SRC: variants seen among roughly 807,000 people sequenced by gnomAD.
SRC encodes proto-oncogene tyrosine-protein kinase Src.
A neutral mutation model predicts 62.9 loss-of-function variants in SRC; 13 were observed. The observed-to-expected ratio is 0.21, with a 90% CI of 0.13 to 0.33. SRC has a LOEUF of 0.33. Ranked by LOEUF, SRC falls within the 10% of genes least tolerant of loss-of-function variation. The probability of loss-of-function intolerance (pLI) is 1.00; values close to 1 mark genes in which losing one functional copy is unlikely to be tolerated. For synonymous variants in SRC, 302 were observed against 317.5 expected, an observed-to-expected ratio of 0.95 and a Z score of 0.52; for missense variants, 457 against 737.3, an observed-to-expected ratio of 0.62 and a Z score of 4.40.
At chr20:37,399,628 T>C (rs905473410) in intron 9 of SRC, among the ~76,000 whole-genome samples, 1 of 151,714 alleles carries the variant, frequency 6.6e-6, no homozygotes, top group Admixed American at 6.6e-5. Flanking sequence ...CACTGCAACC[T>C]CTGCCTCCCA....
In SRC at chr20:37,403,305, G is replaced by T; in HGVS notation, c.1537G>T (p.Glu513Ter). 1 of 1,604,728 alleles carries T rather than the reference G, an allele frequency of 6.2e-7. No individual in the cohort carries two copies. The highest frequency in any genetic ancestry group is 2.2e-5 in the East Asian group (1 of 44,614). ...RKEPEERPTF[E>*]YLQAFLEDYF... The stretch of plus-strand genomic sequence containing the variant: ...GGAGCCTGAGGAGCGGCCCACCTTC[G>T]AGTACCTGCAGGCCTTCCTGGAGGA... Residue 513 changes from glutamate (E) to a stop codon, truncating the protein, a stop_gained, in exon 14 of 14, where the codon GAG (glutamate) becomes TAG (stop). Coordinates refer to ENST00000373578, the MANE Select transcript of SRC (RefSeq NM_198291.3). LOFTEE classifies it high-confidence loss of function. The surrounding 1 kb of genome is among the most constrained non-coding windows in gnomAD (Gnocchi z 7.1).
At chr20:37,358,653 G>A (rs1404443934) in intron 1 of SRC, among the ~76,000 whole-genome samples, 4 of 152,234 alleles carry the variant, frequency 2.6e-5, no homozygotes, top group African/African-American at 9.6e-5. Flanking sequence ...CAGGGATTGG[G>A]GTCTGATAGA....
rs903456711 is a variant in SRC, at chr20:37,397,341, T to C, written c.704-358T>C. ...ACTCCTGCTGTTGCGCGAACAGCTCTCCAGTCACATTCACATCTGTGGTCC... is the reference window on the plus strand; with the variant it reads ...ACTCCTGCTGTTGCGCGAACAGCTCCCCAGTCACATTCACATCTGTGGTCC... On this transcript the variant is annotated intron_variant, in intron 8 of 13. Coordinates refer to ENST00000373578, the MANE Select transcript of SRC (RefSeq NM_198291.3). This position sits in a 1 kb window ranked among gnomAD's most constrained non-coding sequence, Gnocchi z 4.1. Among the ~76,000 whole-genome samples the C allele has an allele frequency of 6.6e-6, 1 of 152,202 alleles. No individual in the cohort carries two copies. Among genetic ancestry groups the C allele is most frequent in the African/African-American group, 2.4e-5 (1 of 41,456 alleles).
rs570835257 is a variant in SRC at position 37,384,500 on chromosome 20, C to T, written c.250+97C>T. On this transcript the variant is annotated intron_variant, in intron 4 of 13. Transcript: ENST00000373578. The surrounding 1 kb of genome is among the most constrained non-coding windows in gnomAD (Gnocchi z 6.7). Reference sequence around the variant, plus strand: ...CGGGGTCGCCCCCTCTGCGCAGGCCCTTCCTCTCGCCAGGGGTAGCGCCCC... The same window carrying T: ...CGGGGTCGCCCCCTCTGCGCAGGCCTTTCCTCTCGCCAGGGGTAGCGCCCC... 6,153 of 1,221,160 alleles carry T rather than the reference C, an allele frequency of 5.0e-3. 20 individuals carry two copies. The highest frequency in any genetic ancestry group is 5.8e-3 in the Non-Finnish European group (5,621 of 975,982). The allele number at this position is 1,221,160 out of a possible 1,614,324, so 75.6% of individuals were successfully genotyped here.
chr20:37,386,046 G>C, intron 4 of SRC, 29 bp from the exon 5 acceptor site: 2 of 1,588,568 alleles, frequency 1.3e-6, no homozygotes, highest in Middle Eastern at 1.7e-4. Flanking sequence ...TGGCCCCACT[G>C]TTCTGACACA....
In SRC at chr20:37,386,331, C is replaced by T. The variant is rs944859802; in HGVS notation, c.350+157C>T. 2.7e-5 allele frequency: 21 copies of T among 768,308 alleles called. No individual in the cohort carries two copies. In the Admixed American group the frequency reaches 2.9e-4, roughly 11 times the overall value. The allele number at this position is 768,308 out of a possible 1,614,324, so 47.6% of individuals were successfully genotyped here. A position where few individuals can be genotyped will look rare whatever the true frequency, so the allele number is the denominator to read the frequency against. On this transcript the variant is annotated intron_variant, in intron 5 of 13. Transcript: ENST00000373578. ...TGGAGGCAGGCGCCTGCTGCACTCTCGCCCTGGGCAGCACCTGCTGTTGCT... is the reference window on the plus strand; with the variant it reads ...TGGAGGCAGGCGCCTGCTGCACTCTTGCCCTGGGCAGCACCTGCTGTTGCT...
chr20:37,386,016 G>A, intron 4 of SRC, 59 bp from the exon 5 acceptor site: 1 of 1,394,088 alleles, frequency 7.2e-7, no homozygotes, highest in Non-Finnish European at 1.0e-6. Context: ...GGGCCATCCT[G>A]CCCATGCCTT....
chr20:37,401,241 G>A (rs192965157), intron 10 of SRC, among the ~76,000 whole-genome samples: 270 of 152,046 alleles, frequency 1.8e-3, no homozygotes, highest in African/African-American at 6.1e-3. Context: ...GGGCTCAAGC[G>A]ATCTTCCCAC....
At chr20:37,395,629 C>T (rs1280283530) in intron 7 of SRC, among the ~76,000 whole-genome samples, 2 of 152,244 alleles carry the variant, frequency 1.3e-5, no homozygotes, top group Non-Finnish European at 2.9e-5. Flanking sequence ...CACCCCCTCC[C>T]GCCTGAGCCT....
intron 2 of SRC, among the ~76,000 whole-genome samples, chr20:37,365,785 T>C (rs139512647): frequency 9.2e-5 from 14 of 152,292 alleles, no homozygotes; most frequent in African/African-American, 3.1e-4. Flanking sequence ...AGTCTCACTA[T>C]GTTGCCTAGG....
chr20:37,371,003 T>C (rs1211221128), intron 2 of SRC, among the ~76,000 whole-genome samples: 2 of 150,732 alleles, frequency 1.3e-5, no homozygotes, highest in African/African-American at 2.5e-5. Context: ...TTTTTTTTTT[T>C]TTGAGACGGA....
chr20:37,388,894 C>T (rs1031576579), intron 5 of SRC, among the ~76,000 whole-genome samples: 9 of 152,222 alleles, frequency 5.9e-5, no homozygotes, highest in African/African-American at 1.2e-4. Flanking sequence ...CCCGGGGACC[C>T]GCCTGCATGC....
Position 37,394,042 on chromosome 20 carries a change from G to A in SRC, c.449+49G>A, listed in dbSNP as rs376337171. On this transcript the variant is annotated intron_variant, in intron 6 of 13. Coordinates refer to ENST00000373578, the MANE Select transcript of SRC (RefSeq NM_198291.3). ...CTACCCGTCGTCCCTGGACACTGCCGGTGCAGAGTGCCTCTCCTGGGCTGG... is the reference window on the plus strand; with the variant it reads ...CTACCCGTCGTCCCTGGACACTGCCAGTGCAGAGTGCCTCTCCTGGGCTGG... 1.3e-4 allele frequency: 204 copies of A among 1,580,596 alleles called. 1 individual carries two copies. The African/African-American group carries it at 2.0e-3, about 16-fold the overall frequency.
chr20:37,360,115 G>A (rs2069944787), intron 1 of SRC, among the ~76,000 whole-genome samples: 2 of 151,376 alleles, frequency 1.3e-5, no homozygotes, highest in Non-Finnish European at 2.9e-5. Context: ...AAATATTTCA[G>A]TGTGTATCTC....
intron 2 of SRC, among the ~76,000 whole-genome samples, chr20:37,381,944 T>G (rs1311333457): frequency 6.6e-6 from 1 of 152,094 alleles, no homozygotes; most frequent in East Asian, 1.9e-4. Flanking sequence ...CCAGGGAGCA[T>G]GCAAACCATA....
chr20:37,360,390 G>A (rs1192536005), intron 1 of SRC, among the ~76,000 whole-genome samples: 1 of 151,604 alleles, frequency 6.6e-6, no homozygotes, highest in Non-Finnish European at 1.5e-5. Context: ...CACCTGGCTA[G>A]TTTTTAAAAT....
chr20:37,361,399 A>G (rs533903767), intron 1 of SRC, among the ~76,000 whole-genome samples: 3 of 152,194 alleles, frequency 2.0e-5, no homozygotes, highest in African/African-American at 7.2e-5. Flanking sequence ...TCCTGTGACC[A>G]CACAGCCAGG....
At chr20:37,394,871 T>C (rs2070615708) in intron 7 of SRC, among the ~76,000 whole-genome samples, 2 of 152,090 alleles carry the variant, frequency 1.3e-5, no homozygotes, top group Admixed American at 6.6e-5. Flanking sequence ...TTACGAGCAG[T>C]CGTGCAGCCA....
intron 5 of SRC, among the ~76,000 whole-genome samples, chr20:37,387,114 G>A (rs1231367107): frequency 6.6e-6 from 1 of 152,186 alleles, no homozygotes; most frequent in African/African-American, 2.4e-5. Context: ...GAGGAGAATC[G>A]ATCCCTGGGT....
Sources: gnomAD v4.1 joint callset for allele counts (sites outside exome capture counted in the v4.1 genomes callset) on GRCh38, gnomAD v4.1.1 for gene constraint, Gnocchi (gnomAD v3.1) non-coding constraint, MANE v1.5 for transcripts, NCBI Gene and HGNC (gene_info 2026-07-23, HGNC 2026-07-21) for gene names.